PTAR1: variants seen among roughly 807,000 people sequenced by gnomAD.
The protein encoded by PTAR1 is protein prenyltransferase alpha subunit repeat containing 1, also known as protein prenyltransferase alpha subunit repeat-containing protein 1.
PTAR1 carries 17 observed loss-of-function variants against 45.5 expected under a neutral mutation model. The observed-to-expected ratio is 0.37, with a 90% confidence interval of 0.26 to 0.56. The LOEUF (loss-of-function observed/expected upper bound fraction) is 0.56, where lower values mean the gene tolerates loss of function less well. Among genes scored for constraint, PTAR1 ranks in the 20% least tolerant of loss-of-function variants. The probability of loss-of-function intolerance (pLI) is 0.77; values close to 1 mark genes in which losing one functional copy is unlikely to be tolerated. For missense variants in PTAR1, 391 were observed against 476.3 expected (o/e 0.82, Z 1.67); for synonymous variants, 169 against 171.3 (o/e 0.99, Z 0.11).
intron 2 of PTAR1, among the ~76,000 whole-genome samples, chr9:69,750,314 C>T (rs147727674): frequency 1.7e-4 from 26 of 152,198 alleles, no homozygotes; most frequent in African/African-American, 6.3e-4. Flanking sequence ...ATCCATAAAT[C>T]ACTGGGCTGG....
At chr9:69,731,676 T>C (rs1825543539) in intron 5 of PTAR1, among the ~76,000 whole-genome samples, 1 of 152,162 alleles carries the variant, frequency 6.6e-6, no homozygotes, top group African/African-American at 2.4e-5. Flanking sequence ...CCCCAGGTAA[T>C]TTATAGGCTC....
Position 69,723,489 on chromosome 9 carries a change from G to T in PTAR1, c.784C>A (p.Pro262Thr). ...VIDSSVMEQNPLRSEPALVPP... is the reference protein window; with the variant it reads ...VIDSSVMEQNTLRSEPALVPP... ...ACTAGGGCTGGCTCACTTCTCAAAG[G>T]ATTTTGCTCCATCACAGAACTGTCT... Residue 262 changes from proline to threonine, a missense_variant, in exon 6 of 8, where the codon CCT (proline) becomes ACT (threonine). By Grantham distance (38) the Pro-to-Thr change is conservative (BLOSUM62 -1). Around this residue, in one of 5 missense-constraint regions of PTAR1, gnomAD observed 181 missense variants for 227.7 expected, o/e 0.80. Coordinates refer to ENST00000340434, the MANE Select transcript of PTAR1 (RefSeq NM_001099666.2). The T allele has an allele frequency of 6.2e-7, 1 of 1,613,834 alleles. No individual in the cohort carries two copies.
intron 5 of PTAR1, among the ~76,000 whole-genome samples, chr9:69,726,179 T>C (rs1045159315): frequency 3.3e-5 from 5 of 152,158 alleles, no homozygotes; most frequent in African/African-American, 7.2e-5. Flanking sequence ...TCCATTATTT[T>C]GTTGGCCAGA....
intron 1 of PTAR1, 66 bp from the exon 2 acceptor site, chr9:69,751,016 T>C (rs1826504709): frequency 3.5e-6 from 4 of 1,149,640 alleles, no homozygotes; most frequent in South Asian, 3.3e-5. Context: ...ATTTTTCTAA[T>C]TTCAGAGTAT....
chr9:69,757,021 A>T (rs1478440168), intron 1 of PTAR1: 1 of 152,208 alleles, frequency 6.6e-6, no homozygotes, highest in Non-Finnish European at 1.5e-5. Context: ...AGACACAGAA[A>T]ATTTCCACCA....
chr9:69,728,808 A>G (rs186041471), intron 5 of PTAR1, among the ~76,000 whole-genome samples: 7 of 152,340 alleles, frequency 4.6e-5, no homozygotes, highest in African/African-American at 1.2e-4. Context: ...AATTAGTGTC[A>G]TAATTCCACC....
chr9:69,753,680 TGAG>T (rs1391978534), intron 1 of PTAR1, among the ~76,000 whole-genome samples: 1 of 152,132 alleles, frequency 6.6e-6, no homozygotes, highest in Non-Finnish European at 1.5e-5. Flanking sequence ...TATTTTCATG[TGAG>T]GAGAATAAAA....
At chr9:69,740,385 C>T (rs993923827) in intron 3 of PTAR1, among the ~76,000 whole-genome samples, 2 of 150,978 alleles carry the variant, frequency 1.3e-5, no homozygotes, top group South Asian at 2.1e-4. Flanking sequence ...ATGAATAACA[C>T]GTGTGTATAC....
chr9:69,728,867 AAAAC>A (rs1287856668), intron 5 of PTAR1, among the ~76,000 whole-genome samples: 1 of 152,236 alleles, frequency 6.6e-6, no homozygotes, highest in Non-Finnish European at 1.5e-5. Flanking sequence ...TTCTGACTAG[AAAAC>A]AAATATATGC....
Position 69,743,883 on chromosome 9 carries a change from G to A in PTAR1, c.257-2025C>T, listed in dbSNP as rs528231089. Among the ~76,000 whole-genome samples the A allele has an allele frequency of 2.6e-5, 4 of 152,124 alleles. No individual in the cohort carries two copies. The South Asian group carries it at 8.3e-4, about 32-fold the overall frequency. On this transcript the variant is annotated intron_variant, in intron 2 of 7. Coordinates refer to ENST00000340434, the MANE Select transcript of PTAR1 (RefSeq NM_001099666.2). ...TTATATAAGGCAAAATAATTATGAA[G>A]TAGAAACATAAACCACATTTTGGGG...
At chr9:69,752,303 C>G (rs1826568790) in intron 1 of PTAR1, among the ~76,000 whole-genome samples, 1 of 152,020 alleles carries the variant, frequency 6.6e-6, no homozygotes, top group South Asian at 2.1e-4. Flanking sequence ...TGTTGGGCCA[C>G]TATCACAAAT....
intron 1 of PTAR1, among the ~76,000 whole-genome samples, chr9:69,755,240 C>T (rs1004080242): frequency 2.0e-5 from 3 of 152,180 alleles, no homozygotes; most frequent in Admixed American, 1.3e-4. Flanking sequence ...ACCTTCATCA[C>T]AGACTGCTCC....
chr9:69,714,007 C>T lies in PTAR1; in HGVS notation c.*4335G>A, dbSNP rs1295655051. On this transcript the variant is annotated 3_prime_UTR_variant, in exon 8 of 8. Transcript: ENST00000340434. ...CTCCCAAAAAAGTAAGAAAGGCACT[C>T]GAATTAACACAGTCTCTACAGTTAT... The T allele has an allele frequency of 6.6e-6, 1 of 152,014 alleles. No homozygotes were observed. 9.4% of individuals were successfully genotyped at this position (152,014 alleles called of 1,614,324 possible).
In PTAR1 at chr9:69,718,431, T is replaced by C. The variant is rs1352953361; in HGVS notation, c.1120A>G (p.Ile374Val). ...SLGLEMEHRFIDQVLSTCRNV... is the reference protein window; with the variant it reads ...SLGLEMEHRFVDQVLSTCRNV... ...CGACAGGTGGACAATACTTGATCAA[T>C]GAACCTGTGCTCCATTTCTAGGCCT... Residue 374 changes from isoleucine (I) to valine (V), a missense_variant, in exon 8 of 8, where the codon ATT becomes GTT. Coordinates refer to ENST00000340434, the MANE Select transcript of PTAR1 (RefSeq NM_001099666.2). 1 of 1,613,720 alleles carries C rather than the reference T, an allele frequency of 6.2e-7. No individual in the cohort carries two copies. Among genetic ancestry groups the C allele is most frequent in the Admixed American group, 1.7e-5 (1 of 59,980 alleles).
At chr9:69,750,189 ACTGT>A (rs762996547) in intron 2 of PTAR1, among the ~76,000 whole-genome samples, 1 of 152,084 alleles carries the variant, frequency 6.6e-6, no homozygotes, top group East Asian at 1.9e-4. Context: ...AAAAAAAAAA[ACTGT>A]CTGAGAGAAA....
At chr9:69,741,893 G>A (rs2134138531) in intron 2 of PTAR1, 35 bp from the exon 3 acceptor site, 1 of 1,322,478 alleles carries the variant, frequency 7.6e-7, no homozygotes, top group South Asian at 1.3e-5. Flanking sequence ...AAAACAAATA[G>A]TCCTACCTTT....
Position 69,740,650 on chromosome 9 carries a change from A to AG in PTAR1, c.323+1141dup, listed in dbSNP as rs374358869. Among the ~76,000 whole-genome samples the AG allele has an allele frequency of 2.9e-3, 325 of 111,106 alleles. 1 individual carries two copies. The highest frequency in any genetic ancestry group is 0.019 in the Middle Eastern group (4 of 208). The allele number at this position is 111,106 out of a possible 152,430, so 72.9% of individuals were successfully genotyped here. ...CTAGAGTTAGATGCTAAGGAAACAAAGGGGAAAAAAAAAAAAAAAAAGACA... is the reference window on the plus strand; with the variant it reads ...CTAGAGTTAGATGCTAAGGAAACAAAGGGGGAAAAAAAAAAAAAAAAAGACA... On this transcript the variant is annotated intron_variant, in intron 3 of 7. Coordinates refer to ENST00000340434, the MANE Select transcript of PTAR1 (RefSeq NM_001099666.2).
intron 5 of PTAR1, among the ~76,000 whole-genome samples, chr9:69,727,317 C>T (rs1825334696): frequency 1.3e-5 from 2 of 152,078 alleles, no homozygotes; most frequent in South Asian, 4.1e-4. Flanking sequence ...ACTCCCTGTT[C>T]CCCACCACAA....
At chr9:69,741,431 A>G (rs982747485) in intron 3 of PTAR1, 8 of 169,884 alleles carry the variant, frequency 4.7e-5, no homozygotes, top group African/African-American at 1.7e-4. Flanking sequence ...TACACTTTCC[A>G]CTACACTGCA....
Sources: gnomAD v4.1 joint callset for allele counts (sites outside exome capture counted in the v4.1 genomes callset) on GRCh38, gnomAD v4.1.1 for gene constraint, gnomAD v4.1.1 regional missense constraint, MANE v1.5 for transcripts, NCBI Gene and HGNC (gene_info 2026-07-23, HGNC 2026-07-21) for gene names.